The following TSHZ3 variants were observed in gnomAD, a reference collection of about 807,000 sequenced individuals.
TSHZ3 encodes the protein teashirt zinc finger homeobox 3.
Under a neutral mutation model 64.5 loss-of-function variants are expected in TSHZ3, and 10 were observed. The ratio of observed to expected loss-of-function variants is 0.16; its 90% CI spans 0.10 to 0.26. TSHZ3 has a LOEUF of 0.26. TSHZ3 is among the 10% of genes least tolerant of loss of function. The pLI, the probability that TSHZ3 is intolerant of heterozygous loss-of-function variation, is 1.00. For synonymous variants in TSHZ3, 608 were observed against 593.1 expected (o/e 1.03, Z -0.36); for missense variants, 1,242 against 1,421.7 (o/e 0.87, Z 2.03).
At chr19:31,253,766 C>T (rs941339425) in intron 1 of TSHZ3, among the ~76,000 whole-genome samples, 7 of 152,232 alleles carry the variant, frequency 4.6e-5, no homozygotes, top group South Asian at 2.1e-4. Flanking sequence ...CCTCGCAACC[C>T]GGATAGAAAG....
chr19:31,331,617 C>T (rs1917096466), intron 1 of TSHZ3, among the ~76,000 whole-genome samples: 1 of 152,126 alleles, frequency 6.6e-6, no homozygotes, highest in Non-Finnish European at 1.5e-5. Context: ...CATGGACGCA[C>T]AGAGAGAAGA....
chr19:31,276,472 G>A lies in TSHZ3; in HGVS notation c.*75C>T. 7.3e-7 allele frequency: 1 copy of A among 1,374,964 alleles called. No individual in the cohort carries two copies. Among genetic ancestry groups the A allele is most frequent in the Non-Finnish European group, 9.9e-7 (1 of 1,006,514 alleles). 85.2% of individuals were successfully genotyped at this position (1,374,964 alleles called of 1,614,324 possible). ...TAAGAACATGTGCCAAGAACAACAAGTCAGAGGGGGCCTGAAGGTGCCTTC... is the reference window on the plus strand; with the variant it reads ...TAAGAACATGTGCCAAGAACAACAAATCAGAGGGGGCCTGAAGGTGCCTTC... On this transcript the variant is annotated 3_prime_UTR_variant, in exon 2 of 2. Transcript: ENST00000240587.
chr19:31,265,921 C>T (rs1360235771), intron 1 of TSHZ3, among the ~76,000 whole-genome samples: 1 of 152,196 alleles, frequency 6.6e-6, no homozygotes. Flanking sequence ...GGGCCTGAAG[C>T]CCCTTATCCT....
chr19:31,280,826 T>C (rs1159257362), intron 1 of TSHZ3, among the ~76,000 whole-genome samples: 2 of 152,248 alleles, frequency 1.3e-5, no homozygotes, highest in Non-Finnish European at 2.9e-5. Context: ...GCCCAGAGAA[T>C]ACTTGCGTTA....
chr19:31,198,739 C>T (rs1975029405), intron 5 of TSHZ3, among the ~76,000 whole-genome samples: 1 of 151,994 alleles, frequency 6.6e-6, no homozygotes, highest in Non-Finnish European at 1.5e-5. Flanking sequence ...TGTACAAAAT[C>T]TATATGAAGA....
At chr19:31,182,281 C>G (rs905047155) in intron 5 of TSHZ3, among the ~76,000 whole-genome samples, 2 of 152,126 alleles carry the variant, frequency 1.3e-5, no homozygotes, top group African/African-American at 2.4e-5. Context: ...CCAGCAAAAA[C>G]GAAGAGTGCA....
chr19:31,248,654 A>G (rs12974358), intron 1 of TSHZ3, among the ~76,000 whole-genome samples: 51,215 of 151,104 alleles, frequency 0.34, 12,616 homozygotes, highest in African/African-American at 0.69. Context: ...AGCAAGGCAT[A>G]GTGGCTTGTG....
In TSHZ3 at chr19:31,279,736, C is replaced by G; in HGVS notation, c.57G>C (p.Glu19Asp). 6.6e-7 allele frequency: 1 copy of G among 1,504,654 alleles called. No homozygotes were observed. Among genetic ancestry groups the G allele is most frequent in the Non-Finnish European group, 8.9e-7 (1 of 1,126,498 alleles). 93.2% of individuals were successfully genotyped at this position (1,504,654 alleles called of 1,614,324 possible). ...PRRAAAYVSEELKAAALVDEG... is the reference protein window; with the variant it reads ...PRRAAAYVSEDLKAAALVDEG... ...CGTCCACCAGGGCAGCAGCCTTTAACTCTTCGGAAACATAGGCTGCCATGA... is the reference window on the plus strand; with the variant it reads ...CGTCCACCAGGGCAGCAGCCTTTAAGTCTTCGGAAACATAGGCTGCCATGA... The change falls in exon 2 of 2, where the codon GAG becomes GAC. Residue 19 changes from glutamate to aspartate, a missense_variant. Physicochemically the swap from Glu to Asp is conservative, Grantham distance 45. Around this residue, in one of 4 missense-constraint regions of TSHZ3, gnomAD observed 555 missense variants for 704.0 expected, o/e 0.79. Transcript: ENST00000240587. This position sits in a 1 kb window ranked among gnomAD's most constrained non-coding sequence, Gnocchi z 6.4.
intron 5 of TSHZ3, among the ~76,000 whole-genome samples, chr19:31,158,036 A>G (rs1188489061): frequency 6.6e-6 from 1 of 152,230 alleles, no homozygotes; most frequent in Non-Finnish European, 1.5e-5. Context: ...TATTTTAGAC[A>G]AATAAATAAT....
intron 1 of TSHZ3, among the ~76,000 whole-genome samples, chr19:31,313,551 G>A (rs905163190): frequency 1.3e-5 from 2 of 152,078 alleles, no homozygotes; most frequent in Admixed American, 6.5e-5. Context: ...GTTGGGCTGC[G>A]GAAATGGTTC....
intron 1 of TSHZ3, among the ~76,000 whole-genome samples, chr19:31,249,841 T>A (rs990277579): frequency 6.6e-6 from 1 of 152,224 alleles, no homozygotes; most frequent in Admixed American, 6.5e-5. Flanking sequence ...CAGTTCCTCC[T>A]GTCATCATGG....
intron 1 of TSHZ3, among the ~76,000 whole-genome samples, chr19:31,345,496 G>C (rs1568388408): frequency 6.6e-6 from 1 of 152,130 alleles, no homozygotes; most frequent in Non-Finnish European, 1.5e-5. Flanking sequence ...CTGTTCCAGG[G>C]GGATCCACAG....
chr19:31,171,677 A>T (rs759552556), intron 5 of TSHZ3, among the ~76,000 whole-genome samples: 1 of 152,122 alleles, frequency 6.6e-6, no homozygotes, highest in East Asian at 1.9e-4. Context: ...GAAAAGATAT[A>T]ATGGCCTATA....
At chr19:31,178,694 A>G (rs564239144) in intron 5 of TSHZ3, among the ~76,000 whole-genome samples, 1 of 152,266 alleles carries the variant, frequency 6.6e-6, no homozygotes, top group African/African-American at 2.4e-5. Context: ...AAAAAAGAAG[A>G]TGCTAGCATC....
chr19:31,310,872 G>A (rs1382028240), intron 1 of TSHZ3, among the ~76,000 whole-genome samples: 4 of 152,224 alleles, frequency 2.6e-5, no homozygotes, highest in African/African-American at 9.6e-5. Flanking sequence ...CAGTTATTTT[G>A]GGGTTACAGA....
At chr19:31,259,193 G>A (rs1261666951) in intron 1 of TSHZ3, among the ~76,000 whole-genome samples, 1 of 152,180 alleles carries the variant, frequency 6.6e-6, no homozygotes, top group Middle Eastern at 3.2e-3. Context: ...GACAAAATCA[G>A]GCTATTAGAC....
chr19:31,321,688 G>A (rs1301647067), intron 1 of TSHZ3, among the ~76,000 whole-genome samples: 1 of 152,210 alleles, frequency 6.6e-6, no homozygotes, highest in African/African-American at 2.4e-5. Flanking sequence ...TCCAGACTGT[G>A]TGTGAGACAG....
intron 5 of TSHZ3, among the ~76,000 whole-genome samples, chr19:31,177,368 A>G (rs915001975): frequency 6.6e-6 from 1 of 152,204 alleles, no homozygotes; most frequent in Admixed American, 6.5e-5. Flanking sequence ...TGGTGTCAGC[A>G]TGGTTGCCCT....
chr19:31,347,825 C>A (rs1477128584), intron 1 of TSHZ3, among the ~76,000 whole-genome samples: 1 of 152,128 alleles, frequency 6.6e-6, no homozygotes, highest in Non-Finnish European at 1.5e-5. Flanking sequence ...TCTCTGTGAC[C>A]CCGTGTAAGG....
Sources: gnomAD v4.1 joint callset for allele counts (sites outside exome capture counted in the v4.1 genomes callset) on GRCh38, gnomAD v4.1.1 for gene constraint, gnomAD v4.1.1 regional missense constraint, Gnocchi (gnomAD v3.1) non-coding constraint, MANE v1.5 for transcripts, NCBI Gene and HGNC (gene_info 2026-07-23, HGNC 2026-07-21) for gene names.